The following EHBP1 variants were observed in gnomAD, a reference collection of about 807,000 sequenced individuals.
EHBP1 encodes the protein EH domain-binding protein 1.
Under a neutral mutation model 144.0 loss-of-function variants are expected in EHBP1, and 55 were observed. The ratio of observed to expected loss-of-function variants is 0.38; its 90% confidence interval spans 0.31 to 0.48. The LOEUF is 0.48. Among genes scored for constraint, EHBP1 ranks in the 20% least tolerant of loss-of-function variants. EHBP1 has a pLI of 0.98. For synonymous variants in EHBP1, 469 were observed against 472.7 expected, an observed-to-expected ratio of 0.99 and a Z score of 0.10; for missense variants, 1,200 against 1,364.2, an observed-to-expected ratio of 0.88 and a Z score of 1.90.
At chr2:62,758,132 A>G (rs962518631) in intron 3 of EHBP1, among the ~76,000 whole-genome samples, 6 of 151,962 alleles carry the variant, frequency 3.9e-5, no homozygotes, top group African/African-American at 1.2e-4. Flanking sequence ...TGTTTTTGAG[A>G]CAGTCTTACT....
At chr2:62,879,546 A>AACACACACACACACACAC (rs70962798) in intron 10 of EHBP1, among the ~76,000 whole-genome samples, 54 of 133,790 alleles carry the variant, frequency 4.0e-4, no homozygotes, top group East Asian at 3.8e-3. Flanking sequence ...TATTCACAAT[A>AACACACACACACACACAC]ACACACACAC....
intron 19 of EHBP1, among the ~76,000 whole-genome samples, chr2:63,020,513 A>C (rs535112341): frequency 1.5e-4 from 22 of 150,026 alleles, no homozygotes; most frequent in Non-Finnish European, 3.0e-4. Flanking sequence ...AAAAAAAAAA[A>C]AGAAAGAAAA....
chr2:62,944,503 G>A (rs1374716340), intron 12 of EHBP1, among the ~76,000 whole-genome samples: 1 of 152,112 alleles, frequency 6.6e-6, no homozygotes, highest in East Asian at 1.9e-4. Flanking sequence ...TAGGTATGTA[G>A]TAGGCTGTAC....
intron 3 of EHBP1, among the ~76,000 whole-genome samples, chr2:62,757,426 CTTTTTTTTT>C (rs555494268): frequency 8.8e-6 from 1 of 113,040 alleles, no homozygotes; most frequent in East Asian, 2.5e-4. Context: ...TTTTTTTTTT[CTTTTTTTTT>C]TTTTTTTTTT....
At position 62,951,513 on chromosome 2, in the gene EHBP1, A is replaced by G. The variant is rs372661912; in HGVS notation, c.2316+2351A>G. ...ACCCTAAATTGTCATATTCAATACA[A>G]ATTTTTCTTTTTTTTTTTTTTGGGG... is the stretch of plus-strand genomic sequence containing the variant. On this transcript the variant is annotated intron_variant, in intron 13 of 22. Transcript: ENST00000431489. Among the ~76,000 whole-genome samples the G allele has an allele frequency of 3.6e-4, 50 of 139,508 alleles. 1 individual carries two copies. The highest frequency in any genetic ancestry group is 1.3e-3 in the African/African-American group (48 of 37,990). The allele number at this position is 139,508 out of a possible 152,430, so 91.5% of individuals were successfully genotyped here.
At chr2:62,710,435 CT>C (rs2035039970) in intron 2 of EHBP1, among the ~76,000 whole-genome samples, 1 of 151,502 alleles carries the variant, frequency 6.6e-6, no homozygotes, top group South Asian at 2.1e-4. Flanking sequence ...GTGCTGTAAA[CT>C]TTTCCCAAAA....
At chr2:63,038,596 T>C (rs968386605) in intron 20 of EHBP1, 147 bp from the exon 21 acceptor site, 2 of 625,132 alleles carry the variant, frequency 3.2e-6, no homozygotes, top group South Asian at 2.0e-5. Context: ...AGGAAGGTTT[T>C]AGGTTTGTGT....
chr2:62,937,363 C>T (rs2056451504), intron 10 of EHBP1, among the ~76,000 whole-genome samples: 1 of 152,170 alleles, frequency 6.6e-6, no homozygotes, highest in African/African-American at 2.4e-5. Flanking sequence ...GTACCTATCT[C>T]AAACGAGTTG....
At chr2:62,765,279 T>TA (rs2152326026) in intron 4 of EHBP1, among the ~76,000 whole-genome samples, 1 of 152,292 alleles carries the variant, frequency 6.6e-6, no homozygotes, top group African/African-American at 2.4e-5. Context: ...GATGTGCCTC[T>TA]TGGTCTCATT....
intron 10 of EHBP1, among the ~76,000 whole-genome samples, chr2:62,890,388 A>G (rs1261282682): frequency 6.6e-6 from 1 of 152,130 alleles, no homozygotes; most frequent in Non-Finnish European, 1.5e-5. Context: ...ATGTTTTTCC[A>G]TTTGTTTGTA....
At chr2:62,813,839 G>T (rs1322640236) in intron 5 of EHBP1, among the ~76,000 whole-genome samples, 1 of 152,156 alleles carries the variant, frequency 6.6e-6, no homozygotes, top group Non-Finnish European at 1.5e-5. Flanking sequence ...TGTCTATACT[G>T]CATCTGTCCC....
chr2:62,789,436 A>G (rs1248399537), intron 5 of EHBP1, among the ~76,000 whole-genome samples: 1 of 152,122 alleles, frequency 6.6e-6, no homozygotes, highest in Non-Finnish European at 1.5e-5. Flanking sequence ...TCAACTATGT[A>G]ACACTTCTCC....
chr2:62,930,632 C>T (rs6728740), intron 10 of EHBP1, among the ~76,000 whole-genome samples: 5,342 of 152,166 alleles, frequency 0.035, 331 homozygotes, highest in African/African-American at 0.12. Flanking sequence ...AAACTTACTG[C>T]ACAGCTACAG....
chr2:62,736,194 G>GTT lies in EHBP1; in HGVS notation c.105-11192_105-11191dup, dbSNP rs111256856. On this transcript the variant is annotated intron_variant, in intron 2 of 22. Transcript: ENST00000431489. ...CCGCAGTCTTTGGATATTCTATTCTGTTTTTTTTTTCAGTCTTTGTTCTCT... is the reference window on the plus strand; with the variant it reads ...CCGCAGTCTTTGGATATTCTATTCTGTTTTTTTTTTTTCAGTCTTTGTTCTCT... Among the ~76,000 whole-genome samples the GTT allele has an allele frequency of 2.1e-3, 138 of 65,560 alleles. 1 individual carries two copies. The highest frequency in any genetic ancestry group is 7.1e-3 in the African/African-American group (127 of 17,864). 43.0% of individuals were successfully genotyped at this position (65,560 alleles called of 152,430 possible).
chr2:62,840,491 G>T (rs1050007124), intron 7 of EHBP1, among the ~76,000 whole-genome samples: 3 of 148,976 alleles, frequency 2.0e-5, no homozygotes, highest in South Asian at 2.1e-4. Flanking sequence ...TGACAAATGG[G>T]ATCTAATTAA....
At chr2:62,868,474 C>T (rs2050210483) in intron 9 of EHBP1, among the ~76,000 whole-genome samples, 1 of 152,150 alleles carries the variant, frequency 6.6e-6, no homozygotes. Context: ...TGCAACAAAA[C>T]ACAAAGGATA....
At chr2:62,790,688 A>AT (rs1479380708) in intron 5 of EHBP1, among the ~76,000 whole-genome samples, 1 of 152,116 alleles carries the variant, frequency 6.6e-6, no homozygotes. Context: ...GGTCTAAAAT[A>AT]TTTTTGTGTA....
intron 2 of EHBP1, among the ~76,000 whole-genome samples, chr2:62,727,738 G>C (rs2036970366): frequency 6.6e-6 from 1 of 152,132 alleles, no homozygotes; most frequent in Non-Finnish European, 1.5e-5. Flanking sequence ...CTGCTATTAT[G>C]AATAATGCTG....
At chr2:62,945,523 T>G (rs1036146567) in intron 12 of EHBP1, among the ~76,000 whole-genome samples, 4 of 152,144 alleles carry the variant, frequency 2.6e-5, no homozygotes, top group African/African-American at 9.7e-5. Context: ...ACCAAAAATG[T>G]GTATTGCTAT....
Sources: allele counts gnomAD v4.1 joint callset (sites outside exome capture counted in the v4.1 genomes callset), GRCh38; gene constraint gnomAD v4.1.1; transcripts MANE v1.5; gene names NCBI Gene and HGNC (gene_info 2026-07-23, HGNC 2026-07-21).